Variants in PPP1R9A observed in about 807,000 individuals in gnomAD.
PPP1R9A encodes protein phosphatase 1 regulatory subunit 9A.
Under a neutral mutation model 141.9 loss-of-function variants are expected in PPP1R9A, and 59 were observed. The observed-to-expected ratio is 0.42, with a 90% CI of 0.34 to 0.52. The LOEUF is 0.52. Ranked by LOEUF, PPP1R9A falls within the 20% of genes least tolerant of loss-of-function variation. The pLI is 0.10. For synonymous variants in PPP1R9A, 500 were observed against 569.7 expected (o/e 0.88, Z 1.74); for missense variants, 1,444 against 1,611.9 (o/e 0.90, Z 1.78).
At chr7:95,109,244 A>G (rs962469263) in intron 2 of PPP1R9A, among the ~76,000 whole-genome samples, 9 of 152,236 alleles carry the variant, frequency 5.9e-5, no homozygotes, top group Admixed American at 2.0e-4. Context: ...CAGGTCAAAT[A>G]TCTTTGCCTT....
At chr7:95,104,959 A>C (rs1819304785) in intron 2 of PPP1R9A, among the ~76,000 whole-genome samples, 1 of 132,370 alleles carries the variant, frequency 7.6e-6, no homozygotes, top group Admixed American at 7.5e-5. Flanking sequence ...TGTTTGGCTT[A>C]TCTCCAGGAG....
At chr7:94,932,645 C>T (rs942172348) in intron 2 of PPP1R9A, among the ~76,000 whole-genome samples, 1 of 152,002 alleles carries the variant, frequency 6.6e-6, no homozygotes, top group Non-Finnish European at 1.5e-5. Flanking sequence ...CTCAACATCA[C>T]GACAGTTCAT....
intron 2 of PPP1R9A, among the ~76,000 whole-genome samples, chr7:95,057,938 A>T (rs1811713039): frequency 6.6e-6 from 1 of 152,286 alleles, no homozygotes; most frequent in Non-Finnish European, 1.5e-5. Flanking sequence ...CCTTTGTTCT[A>T]AATAATTGGA....
chr7:95,020,764 T>C (rs924103858), intron 2 of PPP1R9A, among the ~76,000 whole-genome samples: 2 of 152,230 alleles, frequency 1.3e-5, no homozygotes, highest in African/African-American at 4.8e-5. Context: ...GCTTCATCCA[T>C]GTCCCTACAA....
At chr7:95,157,202 C>T (rs539759663) in intron 4 of PPP1R9A, among the ~76,000 whole-genome samples, 106 of 152,220 alleles carry the variant, frequency 7.0e-4, no homozygotes, top group Middle Eastern at 3.4e-3. Context: ...AGCCAAGCAG[C>T]GGGAGCAGGC....
intron 2 of PPP1R9A, among the ~76,000 whole-genome samples, chr7:95,008,486 T>C (rs1357217198): frequency 6.6e-6 from 1 of 152,192 alleles, no homozygotes; most frequent in Non-Finnish European, 1.5e-5. Flanking sequence ...AAATCCACAC[T>C]TTAATGGCTC....
chr7:95,175,927 A>G (rs1832835278), intron 5 of PPP1R9A, among the ~76,000 whole-genome samples: 1 of 152,170 alleles, frequency 6.6e-6, no homozygotes, highest in Non-Finnish European at 1.5e-5. Context: ...ACATAAAAGA[A>G]AATATAGGCT....
intron 5 of PPP1R9A, among the ~76,000 whole-genome samples, chr7:95,170,002 G>T (rs1363716711): frequency 6.6e-6 from 1 of 150,522 alleles, no homozygotes; most frequent in Non-Finnish European, 1.5e-5. Flanking sequence ...ATACAATAAG[G>T]TAGCAAAAGG....
intron 2 of PPP1R9A, among the ~76,000 whole-genome samples, chr7:94,965,140 C>T (rs1471308376): frequency 2.0e-5 from 3 of 149,966 alleles, no homozygotes; most frequent in Non-Finnish European, 4.5e-5. Flanking sequence ...TGTTCATATT[C>T]TTTGCCCACT....
rs376546171 is a variant in PPP1R9A at position 95,029,829 on chromosome 7, A to G, written c.1396-81430A>G. 4.3e-4 allele frequency among the ~76,000 whole-genome samples: 65 copies of G among 152,304 alleles called. 2 individuals are homozygous for G. In the South Asian group the frequency reaches 0.013, roughly 31 times the overall value. On this transcript the variant is annotated intron_variant, in intron 2 of 19. Transcript: ENST00000433360. The stretch of plus-strand genomic sequence containing the variant: ...ATTTCATATTTCTGATGCATATCTT[A>G]GTGAATCAAAACTGACATACATTGC...
intron 2 of PPP1R9A, among the ~76,000 whole-genome samples, chr7:94,965,338 T>C (rs1798088450): frequency 6.6e-6 from 1 of 152,208 alleles, no homozygotes; most frequent in Admixed American, 6.5e-5. Context: ...GTCTCATTTA[T>C]CAATTTTGGC....
chr7:94,938,096 G>A (rs1460070838), intron 2 of PPP1R9A, among the ~76,000 whole-genome samples: 1 of 152,134 alleles, frequency 6.6e-6, no homozygotes, highest in Non-Finnish European at 1.5e-5. Flanking sequence ...ACCAGTCTGT[G>A]GCCTGTTAGA....
At chr7:95,126,821 G>A (rs1300814234) in intron 4 of PPP1R9A, among the ~76,000 whole-genome samples, 2 of 152,098 alleles carry the variant, frequency 1.3e-5, no homozygotes, top group African/African-American at 4.8e-5. Flanking sequence ...AAAGATACAA[G>A]CAAAGTGGGT....
In PPP1R9A at chr7:95,029,083, G is replaced by A. The variant is rs796836800; in HGVS notation, c.1396-82176G>A. 9.7e-4 allele frequency among the ~76,000 whole-genome samples: 147 copies of A among 152,188 alleles called. 1 individual carries two copies. Among genetic ancestry groups the A allele is most frequent in the African/African-American group, 3.4e-3 (141 of 41,514 alleles). Reference sequence around the variant, plus strand: ...TTCATTTAATAATTTTTGCCTTTTGGAGTGTAGGTGCTAGACTATATCCTA... The same window carrying A: ...TTCATTTAATAATTTTTGCCTTTTGAAGTGTAGGTGCTAGACTATATCCTA... On this transcript the variant is annotated intron_variant, in intron 2 of 19. Coordinates refer to ENST00000433360, the MANE Select transcript of PPP1R9A (RefSeq NM_001166160.2).
chr7:95,074,462 TTTGTTTTTTTTTTTTTTG>T (rs1423158948), intron 2 of PPP1R9A, among the ~76,000 whole-genome samples: 5 of 122,176 alleles, frequency 4.1e-5, no homozygotes, highest in Non-Finnish European at 6.5e-5. Flanking sequence ...ATTGCTTTTT[TTTGTTTTTTTTTTTTTTG>T]TTGTTTTTTT....
intron 6 of PPP1R9A, among the ~76,000 whole-genome samples, chr7:95,202,095 C>T (rs940194849): frequency 2.6e-5 from 4 of 152,134 alleles, no homozygotes; most frequent in Non-Finnish European, 4.4e-5. Context: ...TACAGTGGAG[C>T]TCTAAAAACT....
chr7:95,142,245 G>A (rs1387029366), intron 4 of PPP1R9A, among the ~76,000 whole-genome samples: 3 of 151,870 alleles, frequency 2.0e-5, no homozygotes, highest in African/African-American at 7.3e-5. Context: ...TGATATTCTG[G>A]ACAGAAGTTT....
intron 2 of PPP1R9A, among the ~76,000 whole-genome samples, chr7:94,990,911 A>C (rs1801426398): frequency 1.3e-5 from 2 of 152,084 alleles, no homozygotes; most frequent in Non-Finnish European, 2.9e-5. Context: ...ATAGTACTCC[A>C]TTGTGTATAA....
intron 2 of PPP1R9A, among the ~76,000 whole-genome samples, chr7:94,971,001 A>G (rs1798799019): frequency 1.3e-5 from 2 of 152,306 alleles, no homozygotes; most frequent in East Asian, 1.9e-4. Flanking sequence ...TCATTCAGCA[A>G]ACATTTGTCA....
Sources: gnomAD v4.1 joint callset for allele counts (sites outside exome capture counted in the v4.1 genomes callset) on GRCh38, gnomAD v4.1.1 for gene constraint, MANE v1.5 for transcripts, NCBI Gene and HGNC (gene_info 2026-07-23, HGNC 2026-07-21) for gene names.